Variants in HERC4 observed in about 807,000 individuals in gnomAD.
HERC4 encodes probable E3 ubiquitin-protein ligase HERC4.
A neutral mutation model predicts 124.3 loss-of-function variants in HERC4; 28 were observed. The observed-to-expected ratio is 0.23, with a 90% CI of 0.17 to 0.31. HERC4 has a LOEUF of 0.31. HERC4 is among the 10% of genes least tolerant of loss of function. HERC4 has a pLI of 1.00. For missense variants in HERC4, 713 were observed against 1,229.3 expected (o/e 0.58, Z 6.28); for synonymous variants, 407 against 421.5 (o/e 0.97, Z 0.42).
intron 3 of HERC4, among the ~76,000 whole-genome samples, chr10:68,062,433 T>C (rs911073390): frequency 6.6e-6 from 1 of 152,108 alleles, no homozygotes; most frequent in Non-Finnish European, 1.5e-5. Context: ...TAAGTCTCCA[T>C]CATCTACCTG....
chr10:68,043,177 CAA>C (rs1350800755), intron 4 of HERC4, among the ~76,000 whole-genome samples: 1 of 151,970 alleles, frequency 6.6e-6, no homozygotes, highest in Non-Finnish European at 1.5e-5. Flanking sequence ...TGAACAGCAA[CAA>C]AAGTTTAAGT....
Position 68,059,564 on chromosome 10 carries a change from A to AATATATATC in HERC4, c.226+13318_226+13319insGATATATAT, listed in dbSNP as rs1564607618. Among the ~76,000 whole-genome samples the AATATATATC allele has an allele frequency of 2.0e-4, 15 of 75,864 alleles. 1 individual carries two copies. The highest frequency in any genetic ancestry group is 1.1e-3 in the African/African-American group (14 of 12,786). The allele number at this position is 75,864 out of a possible 152,430, so 49.8% of individuals were successfully genotyped here. A position where few individuals can be genotyped will look rare whatever the true frequency, so the allele number is the denominator to read the frequency against. ...TATTATATATCATAATATATATCAT[A>AATATATATC]ATATTATATATCATATTATATATCA... On this transcript the variant is annotated intron_variant, in intron 3 of 24. Transcript: ENST00000373700.
chr10:68,060,843 T>C (rs2040969808), intron 3 of HERC4, among the ~76,000 whole-genome samples: 1 of 152,124 alleles, frequency 6.6e-6, no homozygotes, highest in Non-Finnish European at 1.5e-5. Flanking sequence ...ATTACACATA[T>C]GCTGATTGAT....
At chr10:68,017,692 T>C (rs1001202572) in intron 8 of HERC4, among the ~76,000 whole-genome samples, 2 of 152,190 alleles carry the variant, frequency 1.3e-5, no homozygotes, top group African/African-American at 4.8e-5. Context: ...TTTTGCCATG[T>C]TGGCCAGGCT....
In HERC4 at chr10:67,990,229, C is replaced by T. The variant is rs769444632; in HGVS notation, c.1615G>A (p.Ala539Thr). The stretch of plus-strand genomic sequence containing the variant: ...TTCTTACCAAGTACTTTCAGTGGTG[C>T]CTTTTCTAGGTTCACAAGAGCTGTA... The part of the protein sequence containing the change: ...FGTALVNLEK[A>T]PLKVLENWWS... Residue 539 changes from alanine to threonine, a missense_variant, in exon 14 of 25, where the codon GCA becomes ACA. Transcript: ENST00000373700. 1 of 1,604,160 alleles carries T rather than the reference C, an allele frequency of 6.2e-7. No individual in the cohort carries two copies. The highest frequency in any genetic ancestry group is 1.1e-5 in the South Asian group (1 of 87,748).
At position 68,026,625 on chromosome 10, in the gene HERC4, C is replaced by T. The variant is rs543308551; in HGVS notation, c.778-949G>A. On this transcript the variant is annotated intron_variant, in intron 7 of 24. Coordinates refer to ENST00000373700, the MANE Select transcript of HERC4 (RefSeq NM_015601.4). Reference sequence around the variant, plus strand: ...TTGGGAGGCCGAGGCAGGTGGATCACGAGGTCAGGAGATCGAGACCATCCT... The same window carrying T: ...TTGGGAGGCCGAGGCAGGTGGATCATGAGGTCAGGAGATCGAGACCATCCT... Among the ~76,000 whole-genome samples the T allele has an allele frequency of 1.9e-3, 295 of 151,946 alleles. 1 individual carries two copies. The highest frequency in any genetic ancestry group is 3.4e-3 in the Non-Finnish European group (231 of 67,962).
In HERC4 at chr10:68,032,769, G is replaced by A. The variant is rs1224666528; in HGVS notation, c.777+9C>T. 7.1e-7 allele frequency: 1 copy of A among 1,411,820 alleles called. No homozygotes were observed. Among genetic ancestry groups the A allele is most frequent in the Non-Finnish European group, 1.0e-6 (1 of 997,196 alleles). The allele number at this position is 1,411,820 out of a possible 1,614,324, so 87.5% of individuals were successfully genotyped here. A position where few individuals can be genotyped will look rare whatever the true frequency, so the allele number is the denominator to read the frequency against. On this transcript the variant is annotated intron_variant, in intron 7 of 24. Transcript: ENST00000373700. ...GAGTAATAATAAAGAAGTTTTAGAA[G>A]TACAATACCTTGGTTAGAGCAGCAG...
At chr10:67,936,815 A>G (rs1165725327) in intron 21 of HERC4, among the ~76,000 whole-genome samples, 1 of 152,114 alleles carries the variant, frequency 6.6e-6, no homozygotes, top group African/African-American at 2.4e-5. Flanking sequence ...TTTTTGGAAT[A>G]TTATCCTCTT....
intron 19 of HERC4, among the ~76,000 whole-genome samples, chr10:67,946,248 CAA>C (rs75075869): frequency 1.5e-5 from 2 of 130,820 alleles, no homozygotes. Flanking sequence ...ACCCTATGTC[CAA>C]AAAAAAAAAA....
chr10:67,968,913 A>G (rs544506684), intron 15 of HERC4, among the ~76,000 whole-genome samples: 8 of 152,336 alleles, frequency 5.3e-5, no homozygotes, highest in Admixed American at 2.6e-4. Context: ...GATGATCTGA[A>G]TAACAATTTA....
At chr10:68,002,189 A>G (rs1023471527) in intron 9 of HERC4, among the ~76,000 whole-genome samples, 25 of 152,110 alleles carry the variant, frequency 1.6e-4, no homozygotes, top group Admixed American at 1.4e-3. Flanking sequence ...AAAAACATCA[A>G]GTTTATTTAC....
At chr10:67,997,725 AG>A (rs1404391576) in intron 9 of HERC4, among the ~76,000 whole-genome samples, 1 of 152,100 alleles carries the variant, frequency 6.6e-6, no homozygotes, top group Non-Finnish European at 1.5e-5. Flanking sequence ...GATACTAAAG[AG>A]GGTAATAATT....
At chr10:68,067,850 AATCGAGTTAGTCTTCC>A (rs1447077309) in intron 3 of HERC4, 1 of 152,216 alleles carries the variant, frequency 6.6e-6, no homozygotes, top group Admixed American at 6.5e-5. Context: ...AAACTCTGCC[AATCGAGTTAGTCTTCC>A]ATTCAGTAAT....
At chr10:67,948,982 G>A (rs1004781312) in intron 19 of HERC4, among the ~76,000 whole-genome samples, 3 of 151,870 alleles carry the variant, frequency 2.0e-5, no homozygotes, top group African/African-American at 2.4e-5. Context: ...GGCCAGGCGC[G>A]GTGGCTCACG....
intron 4 of HERC4, chr10:68,040,693 A>G (rs2039717950): frequency 6.5e-6 from 1 of 154,718 alleles, no homozygotes; most frequent in South Asian, 2.0e-4. Flanking sequence ...GTTCAAGACC[A>G]GCCTGGCCAA....
intron 4 of HERC4, among the ~76,000 whole-genome samples, chr10:68,043,115 T>G (rs59140367): frequency 0.076 from 11,503 of 152,224 alleles, 1,123 homozygotes; most frequent in African/African-American, 0.23. Flanking sequence ...ATAATTAACT[T>G]TCTTTCCATT....
At chr10:67,972,109 G>C (rs1437198902) in intron 15 of HERC4, among the ~76,000 whole-genome samples, 1 of 151,552 alleles carries the variant, frequency 6.6e-6, no homozygotes. Flanking sequence ...AGCTACTTGG[G>C]AGGCTGAGGC....
intron 19 of HERC4, among the ~76,000 whole-genome samples, chr10:67,949,494 AC>A (rs2033640083): frequency 6.6e-6 from 1 of 152,062 alleles, no homozygotes; most frequent in South Asian, 2.1e-4. Flanking sequence ...AAACAAAAAA[AC>A]AGTAACAAAC....
rs1374378292 is a variant in HERC4 at position 68,073,205 on chromosome 10, G to A, written c.-78-19C>T. On this transcript the variant is annotated intron_variant, in intron 2 of 24. Transcript: ENST00000373700. ...CCTATGTCTGAGGAAATAGAAAGAA[G>A]TTAATATGACTTCAAAGAAAAAAGG... 9 of 862,880 alleles carry A rather than the reference G, an allele frequency of 1.0e-5. No individual in the cohort carries two copies. The highest frequency in any genetic ancestry group is 1.7e-5 in the African/African-American group (1 of 58,448). The allele number at this position is 862,880 out of a possible 1,614,324, so 53.5% of individuals were successfully genotyped here.
Sources: allele counts gnomAD v4.1 joint callset (sites outside exome capture counted in the v4.1 genomes callset), GRCh38; gene constraint gnomAD v4.1.1; transcripts MANE v1.5; gene names NCBI Gene and HGNC (gene_info 2026-07-23, HGNC 2026-07-21).